SDK1: variants seen among roughly 807,000 people sequenced by gnomAD.
The protein encoded by SDK1 is sidekick cell adhesion molecule 1.
In SDK1, 157 loss-of-function variants were observed where a neutral mutation model predicts 245.5. The observed-to-expected ratio is 0.64, with a 90% CI of 0.56 to 0.73. The LOEUF is 0.73. Among genes scored for constraint, SDK1 ranks in the 30% least tolerant of loss-of-function variants. SDK1 has a pLI of 0.00. For synonymous variants in SDK1, 1,647 were observed against 1,278.5 expected (o/e 1.29, Z -6.15); for missense variants, 3,583 against 3,002.3 (o/e 1.19, Z -4.52).
intron 1 of SDK1, among the ~76,000 whole-genome samples, chr7:3,513,769 A>G (rs1782651865): frequency 6.6e-6 from 1 of 152,090 alleles, no homozygotes; most frequent in South Asian, 2.1e-4. Flanking sequence ...CAGGTTTTAT[A>G]ACTTTTCAGT....
chr7:4,193,372 TTATATATA>T (rs10536828), intron 35 of SDK1, among the ~76,000 whole-genome samples: 65 of 103,080 alleles, frequency 6.3e-4, no homozygotes, highest in African/African-American at 1.8e-3. Flanking sequence ...ATTAAAATAT[TTATATATA>T]TATATATATA....
intron 2 of SDK1, among the ~76,000 whole-genome samples, chr7:3,637,802 G>T (rs557782647): frequency 1.3e-5 from 2 of 152,252 alleles, no homozygotes; most frequent in Non-Finnish European, 2.9e-5. Flanking sequence ...CAGGGAATAC[G>T]TGGAGAAGTA....
chr7:3,600,041 G>C (rs1450551480), intron 1 of SDK1, among the ~76,000 whole-genome samples: 5 of 152,044 alleles, frequency 3.3e-5, no homozygotes, highest in Non-Finnish European at 7.4e-5. Flanking sequence ...TTACTATGTT[G>C]AGTCTTTAAT....
chr7:3,350,540 T>G (rs763538011), intron 1 of SDK1, among the ~76,000 whole-genome samples: 1 of 152,228 alleles, frequency 6.6e-6, no homozygotes, highest in Non-Finnish European at 1.5e-5. Context: ...TGATAGTATG[T>G]CATTTTGCTT....
chr7:4,153,412 C>A (rs928006417), intron 30 of SDK1, among the ~76,000 whole-genome samples: 1 of 152,042 alleles, frequency 6.6e-6, no homozygotes, highest in Admixed American at 6.5e-5. Context: ...ATGGTGAAAC[C>A]CTGTCTCTAC....
chr7:3,824,576 G>T (rs1779725897), intron 5 of SDK1, among the ~76,000 whole-genome samples: 1 of 152,156 alleles, frequency 6.6e-6, no homozygotes, highest in Non-Finnish European at 1.5e-5. Flanking sequence ...GTGTTAGAGT[G>T]GAGCGGCAAC....
chr7:4,227,783 C>T (rs1020141189), intron 40 of SDK1, among the ~76,000 whole-genome samples: 1 of 152,204 alleles, frequency 6.6e-6, no homozygotes, highest in East Asian at 1.9e-4. Flanking sequence ...GACCCTTCGA[C>T]GTGCTGCGCT....
At chr7:3,661,680 A>G (rs1247430018) in intron 4 of SDK1, among the ~76,000 whole-genome samples, 1 of 152,186 alleles carries the variant, frequency 6.6e-6, no homozygotes, top group African/African-American at 2.4e-5. Flanking sequence ...TGTTTTTAAC[A>G]TCTTCAGGAA....
At position 3,344,391 on chromosome 7, in the gene SDK1, A is replaced by G. The variant is rs1204413880; in HGVS notation, c.298+42507A>G. On this transcript the variant is annotated intron_variant, in intron 1 of 44. Coordinates refer to ENST00000404826, the MANE Select transcript of SDK1 (RefSeq NM_152744.4). ...AAGCTCTGTACCTAGCTCAGGATCC[A>G]ATTTTTTTTCTCGTTAGTTGTATAA... Among the ~76,000 whole-genome samples the G allele has an allele frequency of 3.3e-5, 5 of 152,144 alleles. No individual in the cohort carries two copies. In the South Asian group the frequency reaches 8.3e-4, roughly 25 times the overall value.
intron 1 of SDK1, among the ~76,000 whole-genome samples, chr7:3,595,324 A>G (rs899571636): frequency 3.3e-5 from 5 of 152,124 alleles, no homozygotes; most frequent in African/African-American, 1.2e-4. Flanking sequence ...ATTCATTTAT[A>G]TACTTCTACC....
At chr7:3,992,358 A>G (rs966015461) in intron 14 of SDK1, among the ~76,000 whole-genome samples, 1 of 152,090 alleles carries the variant, frequency 6.6e-6, no homozygotes, top group African/African-American at 2.4e-5. Flanking sequence ...GAGAAGTTTG[A>G]TGGTTCTCCT....
chr7:3,586,156 T>C (rs1290334884), intron 1 of SDK1, among the ~76,000 whole-genome samples: 1 of 151,122 alleles, frequency 6.6e-6, no homozygotes, highest in Non-Finnish European at 1.5e-5. Flanking sequence ...ATTGCCTAAC[T>C]CTCAGTGAAG....
At chr7:3,456,645 G>A (rs1419683933) in intron 1 of SDK1, among the ~76,000 whole-genome samples, 1 of 151,604 alleles carries the variant, frequency 6.6e-6, no homozygotes, top group African/African-American at 2.4e-5. Flanking sequence ...ATGTATTTTT[G>A]TGATGGCTGC....
intron 1 of SDK1, among the ~76,000 whole-genome samples, chr7:3,601,173 C>T (rs889462912): frequency 2.0e-5 from 3 of 152,000 alleles, no homozygotes; most frequent in Non-Finnish European, 4.4e-5. Flanking sequence ...AGATACTGGT[C>T]TATAGTTTAC....
chr7:3,851,592 C>A (rs1780420770), intron 5 of SDK1, among the ~76,000 whole-genome samples: 1 of 150,426 alleles, frequency 6.6e-6, no homozygotes, highest in African/African-American at 2.5e-5. Context: ...GCCAATCATG[C>A]CGGTGTTATG....
At chr7:3,998,357 TACTG>T (rs1343887076) in intron 14 of SDK1, among the ~76,000 whole-genome samples, 1 of 152,280 alleles carries the variant, frequency 6.6e-6, no homozygotes, top group Non-Finnish European at 1.5e-5. Flanking sequence ...AGGAACATGA[TACTG>T]ACTTGAATGA....
At chr7:3,466,142 C>T (rs1483183264) in intron 1 of SDK1, among the ~76,000 whole-genome samples, 1 of 151,826 alleles carries the variant, frequency 6.6e-6, no homozygotes, top group African/African-American at 2.4e-5. Context: ...ATGTTGCCAG[C>T]CATGACCGAG....
At chr7:3,588,112 A>T (rs1334187199) in intron 1 of SDK1, among the ~76,000 whole-genome samples, 4 of 152,202 alleles carry the variant, frequency 2.6e-5, no homozygotes, top group African/African-American at 9.6e-5. Flanking sequence ...GTATTCTGCC[A>T]TTCTCGTTTT....
At chr7:4,071,435 A>T (rs1206527088) in intron 20 of SDK1, among the ~76,000 whole-genome samples, 1 of 152,178 alleles carries the variant, frequency 6.6e-6, no homozygotes, top group African/African-American at 2.4e-5. Flanking sequence ...AATGGGGGGA[A>T]GTCACTACTA....
Sources: allele counts gnomAD v4.1 joint callset (sites outside exome capture counted in the v4.1 genomes callset), GRCh38; gene constraint gnomAD v4.1.1; transcripts MANE v1.5; gene names NCBI Gene and HGNC (gene_info 2026-07-23, HGNC 2026-07-21).